The following NOL4 variants were observed in gnomAD, a reference collection of about 807,000 sequenced individuals.
NOL4 encodes the protein cancer/testis antigen 125.
In NOL4, 17 loss-of-function variants were observed where a neutral mutation model predicts 75.9. The ratio of observed to expected loss-of-function variants is 0.22; its 90% CI spans 0.15 to 0.34. The LOEUF is 0.34. Among genes scored for constraint, NOL4 ranks in the 10% least tolerant of loss-of-function variants. NOL4 has a pLI of 1.00. For missense variants in NOL4, 614 were observed against 793.5 expected (o/e 0.77, Z 2.72); for synonymous variants, 292 against 289.9 (o/e 1.01, Z -0.07).
intron 10 of NOL4, among the ~76,000 whole-genome samples, chr18:33,870,451 T>C (rs1264642450): frequency 6.6e-6 from 1 of 152,018 alleles, no homozygotes; most frequent in Non-Finnish European, 1.5e-5. Flanking sequence ...AATGCTGATA[T>C]ATTATATTCC....
intron 1 of NOL4, among the ~76,000 whole-genome samples, chr18:34,179,780 T>C (rs1432502032): frequency 6.6e-6 from 1 of 151,648 alleles, no homozygotes; most frequent in African/African-American, 2.4e-5. Context: ...ATACTCTCTG[T>C]GCACCAGAAA....
intron 1 of NOL4, among the ~76,000 whole-genome samples, chr18:34,191,835 G>T (rs1342690106): frequency 6.6e-6 from 1 of 152,002 alleles, no homozygotes; most frequent in Non-Finnish European, 1.5e-5. Flanking sequence ...GAGGAATACA[G>T]GTTGGTGATA....
chr18:34,081,648 T>G (rs188895256), intron 5 of NOL4, among the ~76,000 whole-genome samples: 10 of 152,318 alleles, frequency 6.6e-5, no homozygotes, highest in Non-Finnish European at 1.3e-4. Context: ...AAGAGTGTTT[T>G]TCTTTTCCTT....
intron 9 of NOL4, among the ~76,000 whole-genome samples, chr18:33,940,724 G>A (rs751454888): frequency 4.6e-5 from 7 of 151,334 alleles, no homozygotes; most frequent in African/African-American, 1.5e-4. Context: ...AAACAAAAAC[G>A]GGGGAAAAAA....
intron 6 of NOL4, among the ~76,000 whole-genome samples, chr18:34,017,591 C>T (rs1165186595): frequency 6.6e-6 from 1 of 152,040 alleles, no homozygotes; most frequent in Non-Finnish European, 1.5e-5. Context: ...TTACTATGTT[C>T]TTTTTGAAGA....
At chr18:33,909,554 C>G (rs916910445) in intron 9 of NOL4, among the ~76,000 whole-genome samples, 16 of 152,248 alleles carry the variant, frequency 1.1e-4, no homozygotes, top group Admixed American at 3.3e-4. Context: ...ATTAATGATG[C>G]TTTCATTTAT....
At chr18:34,085,002 T>G (rs1218839500) in intron 5 of NOL4, among the ~76,000 whole-genome samples, 1 of 152,188 alleles carries the variant, frequency 6.6e-6, no homozygotes, top group East Asian at 1.9e-4. Context: ...GGTAAGAGTT[T>G]ATAAAGGCTA....
chr18:33,915,884 T>C (rs2066692068), intron 9 of NOL4, among the ~76,000 whole-genome samples: 1 of 152,156 alleles, frequency 6.6e-6, no homozygotes, highest in African/African-American at 2.4e-5. Context: ...CGCACTAGGT[T>C]GTATGCAATG....
At chr18:34,027,722 C>G (rs1012805020) in intron 5 of NOL4, among the ~76,000 whole-genome samples, 12 of 152,070 alleles carry the variant, frequency 7.9e-5, no homozygotes, top group Admixed American at 2.6e-4. Flanking sequence ...TTTAACAGTT[C>G]TTTGTGTAAA....
chr18:34,202,093 G>T (rs1363653237), intron 1 of NOL4, among the ~76,000 whole-genome samples: 1 of 151,766 alleles, frequency 6.6e-6, no homozygotes, highest in African/African-American at 2.4e-5. Context: ...TAGAGTTTTA[G>T]TAACAACAAA....
chr18:33,882,945 C>G (rs1354575049), intron 10 of NOL4, among the ~76,000 whole-genome samples: 3 of 151,832 alleles, frequency 2.0e-5, no homozygotes, highest in African/African-American at 4.8e-5. Context: ...TCTCAGTAAA[C>G]TATCGCAAGA....
chr18:34,167,778 T>C (rs1035333814), intron 1 of NOL4, among the ~76,000 whole-genome samples: 1 of 151,944 alleles, frequency 6.6e-6, no homozygotes, highest in Non-Finnish European at 1.5e-5. Context: ...AACCATAACA[T>C]CTGAGGACTG....
chr18:33,896,694 C>A lies in NOL4; in HGVS notation c.1543-13270G>T, dbSNP rs369756325. Among the ~76,000 whole-genome samples the A allele has an allele frequency of 2.0e-3, 300 of 152,156 alleles. 1 individual carries two copies. The highest frequency in any genetic ancestry group is 5.8e-3 in the African/African-American group (242 of 41,524). On this transcript the variant is annotated intron_variant, in intron 9 of 10. Transcript: ENST00000261592. ...GGAAGACAACTTAGGCAATATAATC[C>A]TGGACATATGAATAGACAAAGATTT... is the stretch of plus-strand genomic sequence containing the variant.
At chr18:33,936,407 G>GT (rs11350261) in intron 9 of NOL4, among the ~76,000 whole-genome samples, 2,114 of 124,832 alleles carry the variant, frequency 0.017, 24 homozygotes, top group South Asian at 0.051. Flanking sequence ...TTAGCAGTGA[G>GT]TTTTTTTTTT....
chr18:33,884,502 CTG>C (rs1260182539), intron 9 of NOL4, among the ~76,000 whole-genome samples: 1 of 152,008 alleles, frequency 6.6e-6, no homozygotes, highest in Admixed American at 6.6e-5. Flanking sequence ...TTGCAATAAA[CTG>C]TATATATTTT....
intron 6 of NOL4, among the ~76,000 whole-genome samples, chr18:33,978,512 T>C (rs1283424098): frequency 1.3e-5 from 2 of 152,134 alleles, no homozygotes; most frequent in Non-Finnish European, 1.5e-5. Flanking sequence ...TGAGAACTTA[T>C]GAAATTCCTT....
chr18:33,855,783 G>C (rs554987454), intron 10 of NOL4, among the ~76,000 whole-genome samples: 2 of 152,052 alleles, frequency 1.3e-5, no homozygotes, highest in Admixed American at 1.3e-4. Context: ...ATAAATTTCA[G>C]TTAAATGAAA....
intron 1 of NOL4, among the ~76,000 whole-genome samples, chr18:34,220,246 A>C (rs1030094386): frequency 6.6e-6 from 1 of 152,146 alleles, no homozygotes; most frequent in Non-Finnish European, 1.5e-5. Flanking sequence ...TCATTAAACT[A>C]AAGTAGATAA....
chr18:34,012,364 T>C (rs1482183639), intron 6 of NOL4, among the ~76,000 whole-genome samples: 3 of 151,950 alleles, frequency 2.0e-5, no homozygotes, highest in Non-Finnish European at 4.4e-5. Context: ...ACTATAAAGC[T>C]ATTAACTTTA....
Sources: allele counts gnomAD v4.1 joint callset (sites outside exome capture counted in the v4.1 genomes callset), GRCh38; gene constraint gnomAD v4.1.1; transcripts MANE v1.5; gene names NCBI Gene and HGNC (gene_info 2026-07-23, HGNC 2026-07-21).